The following RBFOX1 variants were observed in gnomAD, a reference collection of about 807,000 sequenced individuals.
The protein encoded by RBFOX1 is RNA binding protein fox-1 homolog 1.
Under a neutral mutation model 57.7 loss-of-function variants are expected in RBFOX1, and 8 were observed. That is an observed-to-expected ratio of 0.14 (90% CI 0.08 to 0.25). RBFOX1 has a LOEUF of 0.25. RBFOX1 is among the 10% of genes least tolerant of loss of function. RBFOX1 has a pLI of 1.00. For missense variants in RBFOX1, 611 were observed against 548.5 expected (o/e 1.11, Z -1.14); for synonymous variants, 326 against 222.4 (o/e 1.47, Z -4.15).
At chr16:7,057,044 T>G (rs529740961) in intron 4 of RBFOX1, among the ~76,000 whole-genome samples, 9 of 133,138 alleles carry the variant, frequency 6.8e-5, no homozygotes, top group African/African-American at 2.6e-4. Context: ...AAAAAAAAAA[T>G]GCAGGCCTGA....
chr16:6,395,299 C>G (rs543282722), intron 2 of RBFOX1, among the ~76,000 whole-genome samples: 1 of 152,252 alleles, frequency 6.6e-6, no homozygotes, highest in South Asian at 2.1e-4. Context: ...AGTCAGATTT[C>G]AAAATTGGCT....
chr16:7,700,788 C>G (rs2080422673), intron 14 of RBFOX1, among the ~76,000 whole-genome samples: 1 of 152,096 alleles, frequency 6.6e-6, no homozygotes, highest in Admixed American at 6.5e-5. Flanking sequence ...ATTCTGCTTT[C>G]CCTCAAATCT....
chr16:7,601,210 C>T (rs1440242219), intron 9 of RBFOX1, among the ~76,000 whole-genome samples: 1 of 152,208 alleles, frequency 6.6e-6, no homozygotes, highest in Non-Finnish European at 1.5e-5. Context: ...CTTCCATTCA[C>T]TGGCTCTTGA....
chr16:6,193,395 TATA>T (rs2097157332), intron 1 of RBFOX1, among the ~76,000 whole-genome samples: 4 of 23,380 alleles, frequency 1.7e-4, no homozygotes, highest in Admixed American at 1.1e-3. Flanking sequence ...ATATATACTA[TATA>T]TATATATATA....
At chr16:5,562,307 C>G (rs1289387020) in intron 2 of RBFOX1, among the ~76,000 whole-genome samples, 1 of 152,186 alleles carries the variant, frequency 6.6e-6, no homozygotes, top group Non-Finnish European at 1.5e-5. Flanking sequence ...ACTTAGAAGT[C>G]AGACAGCTGC....
intron 1 of RBFOX1, among the ~76,000 whole-genome samples, chr16:5,420,526 T>C (rs2067286289): frequency 6.6e-6 from 1 of 152,142 alleles, no homozygotes; most frequent in Admixed American, 6.5e-5. Flanking sequence ...TTTGTTTTTT[T>C]GAGACAGGGT....
chr16:6,030,803 C>T (rs1415243333), intron 1 of RBFOX1, among the ~76,000 whole-genome samples: 1 of 152,180 alleles, frequency 6.6e-6, no homozygotes, highest in Non-Finnish European at 1.5e-5. Flanking sequence ...TTTCCTGGAG[C>T]ACTATTTATG....
chr16:5,893,842 G>T (rs923814970), intron 4 of RBFOX1, among the ~76,000 whole-genome samples: 5 of 151,736 alleles, frequency 3.3e-5, no homozygotes, highest in African/African-American at 1.2e-4. Context: ...ATAAATATAT[G>T]CACCTGCTAT....
In RBFOX1 at chr16:6,698,512, G is replaced by A. The variant is rs72636206; in HGVS notation, c.-16+43862G>A. Among the ~76,000 whole-genome samples, 598 of 152,166 alleles carry A rather than the reference G, an allele frequency of 3.9e-3. 20 individuals are homozygous for A. In the East Asian group the frequency reaches 0.058, roughly 15 times the overall value. On this transcript the variant is annotated intron_variant, in intron 3 of 15. Transcript: ENST00000550418. ...CTGGGCCCTGTCTTTCCCCATGAGC[G>A]CTTAACTCTTTCTTTTGTCTCTTCA... is the stretch of plus-strand genomic sequence containing the variant.
intron 4 of RBFOX1, among the ~76,000 whole-genome samples, chr16:5,884,999 C>A (rs543486614): frequency 1.3e-5 from 2 of 152,270 alleles, no homozygotes; most frequent in Admixed American, 6.5e-5. Context: ...AGAACCAATG[C>A]TTTTGGAGCC....
chr16:6,498,175 C>A lies in RBFOX1; in HGVS notation c.-63-156428C>A, dbSNP rs1027092982. On this transcript the variant is annotated intron_variant, in intron 2 of 15. Coordinates refer to ENST00000550418, the MANE Select transcript of RBFOX1 (RefSeq NM_018723.4). ...GCTGAGGCACGAGAATCACTACTACCTGGGAGGTGGAGGTTGCAGTGAGCC... is the reference window on the plus strand; with the variant it reads ...GCTGAGGCACGAGAATCACTACTACATGGGAGGTGGAGGTTGCAGTGAGCC... Among the ~76,000 whole-genome samples the A allele has an allele frequency of 2.7e-5, 4 of 150,806 alleles. 1 individual carries two copies. In the East Asian group the frequency reaches 8.0e-4, roughly 30 times the overall value.
intron 3 of RBFOX1, among the ~76,000 whole-genome samples, chr16:6,920,766 C>T (rs953782022): frequency 1.3e-5 from 2 of 152,204 alleles, no homozygotes; most frequent in African/African-American, 4.8e-5. Flanking sequence ...CCCTCTGTCT[C>T]TGTGTGTGTC....
intron 2 of RBFOX1, among the ~76,000 whole-genome samples, chr16:5,547,986 C>G (rs888948438): frequency 6.6e-6 from 1 of 151,276 alleles, no homozygotes; most frequent in African/African-American, 2.4e-5. Flanking sequence ...ATGGTGAAAC[C>G]CTGTCTCTAC....
chr16:5,250,068 G>A (rs1322499629), intron 1 of RBFOX1, among the ~76,000 whole-genome samples: 1 of 151,912 alleles, frequency 6.6e-6, no homozygotes, highest in South Asian at 2.1e-4. Context: ...GGAGGAGGTT[G>A]CAGTGAGCCG....
intron 1 of RBFOX1, among the ~76,000 whole-genome samples, chr16:6,129,133 T>A (rs1023632707): frequency 6.6e-6 from 1 of 152,100 alleles, no homozygotes; most frequent in African/African-American, 2.4e-5. Flanking sequence ...ATTAAACATA[T>A]GAATAAACAG....
intron 3 of RBFOX1, among the ~76,000 whole-genome samples, chr16:6,919,403 A>C (rs1290961892): frequency 6.6e-6 from 1 of 151,896 alleles, no homozygotes; most frequent in African/African-American, 2.4e-5. Context: ...GCTCCATTTT[A>C]TAGACCAAAA....
intron 5 of RBFOX1, among the ~76,000 whole-genome samples, chr16:7,540,908 A>G (rs889749910): frequency 6.6e-6 from 1 of 152,130 alleles, no homozygotes. Context: ...TCCCAACACC[A>G]TTTACCACTA....
intron 3 of RBFOX1, among the ~76,000 whole-genome samples, chr16:6,861,519 T>A (rs1422678784): frequency 7.7e-6 from 1 of 129,896 alleles, no homozygotes; most frequent in African/African-American, 2.7e-5. Flanking sequence ...GAATAATTGC[T>A]TCAACTCTCA....
chr16:6,479,865 C>T (rs1178904930), intron 2 of RBFOX1, among the ~76,000 whole-genome samples: 1 of 151,918 alleles, frequency 6.6e-6, no homozygotes, highest in African/African-American at 2.4e-5. Context: ...GCCTGACCAA[C>T]ATGGTGAAAC....
Sources: gnomAD v4.1 joint callset for allele counts (sites outside exome capture counted in the v4.1 genomes callset) on GRCh38, gnomAD v4.1.1 for gene constraint, MANE v1.5 for transcripts, NCBI Gene and HGNC (gene_info 2026-07-23, HGNC 2026-07-21) for gene names.